RP1: variants seen among roughly 807,000 people sequenced by gnomAD.
RP1 encodes oxygen-regulated protein 1.
RP1 carries 16 observed loss-of-function variants against 14.8 expected under a neutral mutation model. The observed-to-expected ratio is 1.08, with a 90% CI of 0.73 to 1.65. The LOEUF is 1.65. Ranked by LOEUF, RP1 falls within the 40% of genes most tolerant of loss-of-function variation. The pLI, the probability that RP1 is intolerant of heterozygous loss-of-function variation, is 0.00. For missense variants in RP1, 2,631 were observed against 2,535.0 expected, an observed-to-expected ratio of 1.04 and a Z score of -0.81; for synonymous variants, 876 against 883.6, an observed-to-expected ratio of 0.99 and a Z score of 0.15.
intron 24 of RP1, among the ~76,000 whole-genome samples, chr8:54,798,206 G>A (rs765934754): frequency 2.0e-5 from 3 of 151,954 alleles, no homozygotes; most frequent in Non-Finnish European, 4.4e-5. Flanking sequence ...GTAGAGATGG[G>A]GTTTCATGTT....
At position 54,606,596 on chromosome 8, in the gene RP1, C is replaced by T. The variant is rs556704667; in HGVS notation, c.-12-14359C>T. Among the ~76,000 whole-genome samples, 8 of 152,290 alleles carry T rather than the reference C, an allele frequency of 5.3e-5. No homozygotes were observed. In the South Asian group the frequency reaches 1.7e-3, roughly 32 times the overall value. ...TGAATTTGAATATTGGCCTGCCTTG[C>T]TAGATTGGGGAAGTTCTCCTGGTTA... On this transcript the variant is annotated intron_variant, in intron 1 of 22. Transcript: ENST00000636932.
At chr8:54,858,171 A>G (rs1386451668) in intron 27 of RP1, among the ~76,000 whole-genome samples, 1 of 152,190 alleles carries the variant, frequency 6.6e-6, no homozygotes, top group Non-Finnish European at 1.5e-5. Flanking sequence ...GAAGAGCTTA[A>G]AGTGGCCATA....
At chr8:54,630,862 C>T (rs1339119588), downstream of RP1, 1 of 983,062 alleles carries the variant, frequency 1.0e-6, no homozygotes, top group Non-Finnish European at 1.2e-6. Flanking sequence ...TCCAGTTCCT[C>T]AGAATATCCA....
intron 13 of RP1, among the ~76,000 whole-genome samples, chr8:54,700,952 C>A (rs1364369536): frequency 5.9e-5 from 9 of 152,170 alleles, no homozygotes; most frequent in Non-Finnish European, 1.0e-4. Flanking sequence ...TTGGATCTAG[C>A]CATTCAAGAG....
chr8:54,625,207 CA>C lies in RP1; in HGVS notation c.1328del (p.Lys443SerfsTer12), dbSNP rs1315181384. On this transcript the variant is annotated frameshift_variant, in exon 4 of 4. Coordinates refer to ENST00000220676, the MANE Select transcript of RP1 (RefSeq NM_006269.2). LOFTEE classifies it low-confidence loss of function (END_TRUNC). ...ATCATCCAGGGAACTCAAGACCAAG[CA>C]AAGCATCGTTTTTATAGGCCCCCTA... ...TDIIQGTQDQ[A>X]KHRFYRPPTP... 3 of 1,614,038 alleles carry C rather than the reference CA, an allele frequency of 1.9e-6. No individual in the cohort carries two copies. The African/African-American group carries it at 4.0e-5, about 22-fold the overall frequency.
At chr8:54,568,626 G>T (rs1033755795) in intron 1 of RP1, among the ~76,000 whole-genome samples, 17 of 152,226 alleles carry the variant, frequency 1.1e-4, no homozygotes, top group Non-Finnish European at 2.2e-4. Flanking sequence ...ACATTAAGAC[G>T]CTTGTGCTCT....
At chr8:54,652,570 A>G (rs531964276) in intron 4 of RP1, among the ~76,000 whole-genome samples, 103 of 152,162 alleles carry the variant, frequency 6.8e-4, no homozygotes, top group African/African-American at 2.3e-3. Context: ...GTCTCCAACT[A>G]TTATCATAGA....
chr8:54,621,909 C>A (rs1450498869), intron 2 of RP1, among the ~76,000 whole-genome samples: 1 of 152,168 alleles, frequency 6.6e-6, no homozygotes, highest in Non-Finnish European at 1.5e-5. Flanking sequence ...TTCCTGGGAT[C>A]CCTGCTGGGA....
chr8:54,656,286 A>G, intron 6 of RP1: 1 of 1,442,770 alleles, frequency 6.9e-7, no homozygotes, highest in Non-Finnish European at 9.2e-7. Context: ...CAGGGAACCA[A>G]TAAACACATG....
chr8:54,680,996 T>G (rs1807415249), intron 12 of RP1, among the ~76,000 whole-genome samples: 2 of 151,712 alleles, frequency 1.3e-5, no homozygotes, highest in Non-Finnish European at 2.9e-5. Flanking sequence ...GAAGTGTCTG[T>G]CTAAAAATAC....
intron 1 of RP1, among the ~76,000 whole-genome samples, chr8:54,593,453 T>C (rs1805081883): frequency 6.6e-6 from 1 of 152,208 alleles, no homozygotes; most frequent in South Asian, 2.1e-4. Flanking sequence ...AAAGTATTAG[T>C]TATGTTGTAG....
At position 54,627,990 on chromosome 8, in the gene RP1, A is replaced by G. The variant is rs186594858; in HGVS notation, c.4108A>G (p.Lys1370Glu). The change falls in exon 4 of 4, where the codon AAA becomes GAA. Residue 1370 changes from lysine to glutamate, a missense_variant. Physicochemically the swap from Lys to Glu is moderately conservative, Grantham distance 56. Coordinates refer to ENST00000220676, the MANE Select transcript of RP1 (RefSeq NM_006269.2). ...EELERGDDIQ[K>E]DLNILTDPEY... ...GTTAGAAAGAGGTGATGACATTCAG[A>G]AAGATCTAAATATTTTGACAGACCC... The G allele has an allele frequency of 5.0e-6, 8 of 1,614,092 alleles. No individual in the cohort carries two copies. In the East Asian group the frequency reaches 1.3e-4, roughly 27 times the overall value.
chr8:54,736,409 A>G (rs543624485), intron 18 of RP1, among the ~76,000 whole-genome samples: 46 of 152,334 alleles, frequency 3.0e-4, no homozygotes, highest in African/African-American at 1.1e-3. Context: ...CTGTGACGTT[A>G]AATAGACTGA....
chr8:54,562,584 G>A (rs1804310948), intron 1 of RP1, among the ~76,000 whole-genome samples: 1 of 151,784 alleles, frequency 6.6e-6, no homozygotes, highest in African/African-American at 2.4e-5. Context: ...CGAAGCAGAA[G>A]AATCGATTGA....
chr8:54,665,403 TG>T (rs1396504182), intron 7 of RP1, among the ~76,000 whole-genome samples: 1 of 152,138 alleles, frequency 6.6e-6, no homozygotes, highest in Non-Finnish European at 1.5e-5. Flanking sequence ...CTACTGTCTT[TG>T]TTTTTAGTGG....
At chr8:54,694,350 G>A (rs1807801340) in intron 12 of RP1, among the ~76,000 whole-genome samples, 1 of 152,186 alleles carries the variant, frequency 6.6e-6, no homozygotes, top group Admixed American at 6.5e-5. Flanking sequence ...AGTTAGGGAA[G>A]ATTCCCTCTT....
intron 19 of RP1, among the ~76,000 whole-genome samples, chr8:54,744,084 G>A (rs1365271203): frequency 6.6e-6 from 1 of 152,080 alleles, no homozygotes; most frequent in Non-Finnish European, 1.5e-5. Context: ...AATTCACCAT[G>A]GGGTCATATT....
intron 8 of RP1, among the ~76,000 whole-genome samples, chr8:54,676,107 G>T (rs1459460365): frequency 6.6e-6 from 1 of 152,048 alleles, no homozygotes; most frequent in Non-Finnish European, 1.5e-5. Flanking sequence ...ATCTCTTAAT[G>T]TTATCACATT....
rs1491426945 is a variant in RP1, at chr8:54,851,049, ACG to A, written c.3836-1524_3836-1523del. ...AATTATTTAGATGGCAAGTACACGT[ACG>A]TGTGTGTGTGTGTGTGCGTGCATGT... On this transcript the variant is annotated intron_variant, in intron 25 of 28. Transcript: ENST00000637698. 1.9e-3 allele frequency among the ~76,000 whole-genome samples: 293 copies of A among 151,970 alleles called. 1 individual carries two copies. Among genetic ancestry groups the A allele is most frequent in the African/African-American group, 6.8e-3 (283 of 41,340 alleles).
Sources: allele counts gnomAD v4.1 joint callset (sites outside exome capture counted in the v4.1 genomes callset), GRCh38; gene constraint gnomAD v4.1.1; transcripts MANE v1.5; gene names NCBI Gene and HGNC (gene_info 2026-07-23, HGNC 2026-07-21).